Variants in FER observed in about 807,000 individuals in gnomAD.
The protein encoded by FER is tyrosine-protein kinase Fer.
Under a neutral mutation model 111.0 loss-of-function variants are expected in FER, and 63 were observed. That is an observed-to-expected ratio of 0.57 (90% CI 0.46 to 0.70). The LOEUF (loss-of-function observed/expected upper bound fraction) is 0.70. FER is among the 30% of genes least tolerant of loss of function. FER has a pLI of 0.00. For missense variants in FER, 914 were observed against 954.0 expected (o/e 0.96, Z 0.55); for synonymous variants, 327 against 313.9 (o/e 1.04, Z -0.44).
chr5:109,118,320 G>A lies in FER; in HGVS notation c.2048+17801G>A, dbSNP rs781319710. ...TGCTGGATTATATTTATTGATTTTCGTATGTTGAACCAGCCTTGCATCCCA... is the reference window on the plus strand; with the variant it reads ...TGCTGGATTATATTTATTGATTTTCATATGTTGAACCAGCCTTGCATCCCA... On this transcript the variant is annotated intron_variant, in intron 17 of 19. Coordinates refer to ENST00000281092, the MANE Select transcript of FER (RefSeq NM_005246.4). 1.2e-3 allele frequency among the ~76,000 whole-genome samples: 189 copies of A among 152,126 alleles called. 2 individuals are homozygous for A. The highest frequency in any genetic ancestry group is 2.4e-3 in the African/African-American group (101 of 41,490).
chr5:109,190,835 C>T lies in FER; in HGVS notation c.*3260C>T, dbSNP rs1406617396. 4 of 152,118 alleles carry T rather than the reference C, an allele frequency of 2.6e-5. No individual in the cohort carries two copies. The highest frequency in any genetic ancestry group is 9.7e-5 in the African/African-American group (4 of 41,444). The allele number at this position is 152,118 out of a possible 1,614,324, so 9.4% of individuals were successfully genotyped here. A position where few individuals can be genotyped will look rare whatever the true frequency, so the allele number is the denominator to read the frequency against. On this transcript the variant is annotated 3_prime_UTR_variant, in exon 20 of 20. Coordinates refer to ENST00000281092, the MANE Select transcript of FER (RefSeq NM_005246.4). ...CGATATTACTGAAACATCTTATTAG[C>T]AGATAAGTATAGACCAGGAGCCTAA...
intron 5 of FER, among the ~76,000 whole-genome samples, chr5:108,841,272 A>T (rs1295008906): frequency 1.3e-5 from 2 of 152,194 alleles, no homozygotes; most frequent in Non-Finnish European, 1.5e-5. Context: ...AGCATAAAAT[A>T]ACAGGTACTT....
At chr5:108,986,846 G>A (rs1371074093) in intron 13 of FER, among the ~76,000 whole-genome samples, 1 of 152,058 alleles carries the variant, frequency 6.6e-6, no homozygotes, top group Non-Finnish European at 1.5e-5. Flanking sequence ...GGTGACTGTG[G>A]CTTTATAGCA....
chr5:108,783,841 G>A (rs1754366207), intron 2 of FER, among the ~76,000 whole-genome samples: 1 of 152,102 alleles, frequency 6.6e-6, no homozygotes, highest in Admixed American at 6.5e-5. Flanking sequence ...CATGCTCCCT[G>A]CTACCCTGAT....
At chr5:108,761,322 A>G (rs1368900520) in intron 1 of FER, among the ~76,000 whole-genome samples, 1 of 152,168 alleles carries the variant, frequency 6.6e-6, no homozygotes, top group Non-Finnish European at 1.5e-5. Flanking sequence ...TTGAACACTT[A>G]GAGGCCTTTG....
At chr5:108,991,774 A>C (rs987584371) in intron 13 of FER, among the ~76,000 whole-genome samples, 6 of 152,016 alleles carry the variant, frequency 3.9e-5, no homozygotes, top group African/African-American at 1.4e-4. Flanking sequence ...AGCTCTCAAG[A>C]TATAACTTAG....
chr5:108,851,933 G>C (rs1161381443), intron 5 of FER, among the ~76,000 whole-genome samples: 8 of 152,202 alleles, frequency 5.3e-5, no homozygotes, highest in Non-Finnish European at 1.2e-4. Flanking sequence ...AAACAGGATA[G>C]CTACTCCACA....
At chr5:108,764,164 G>A (rs1752056065) in intron 1 of FER, among the ~76,000 whole-genome samples, 1 of 152,038 alleles carries the variant, frequency 6.6e-6, no homozygotes, top group Non-Finnish European at 1.5e-5. Context: ...AGGATAGTTT[G>A]GGAAAAGAAA....
At chr5:109,160,578 A>T (rs138400833) in intron 17 of FER, among the ~76,000 whole-genome samples, 1 of 152,252 alleles carries the variant, frequency 6.6e-6, no homozygotes, top group Non-Finnish European at 1.5e-5. Flanking sequence ...AAATAAATTC[A>T]TCCAATCCTG....
chr5:109,133,247 A>G (rs1031967058), intron 17 of FER, among the ~76,000 whole-genome samples: 1 of 152,148 alleles, frequency 6.6e-6, no homozygotes, highest in Non-Finnish European at 1.5e-5. Flanking sequence ...TTCCTTTTAG[A>G]GGAGAGAAAC....
At chr5:108,931,636 C>A (rs915205307) in intron 10 of FER, among the ~76,000 whole-genome samples, 2 of 152,006 alleles carry the variant, frequency 1.3e-5, no homozygotes, top group East Asian at 3.9e-4. Context: ...TCGAGACCAG[C>A]CTGGCCAACA....
intron 10 of FER, among the ~76,000 whole-genome samples, chr5:108,945,059 G>A (rs192991421): frequency 6.6e-6 from 1 of 152,216 alleles, no homozygotes; most frequent in African/African-American, 2.4e-5. Flanking sequence ...AAAGCATGTG[G>A]CCAAGAATAT....
At chr5:109,081,726 AG>A (rs1777007339) in intron 16 of FER, among the ~76,000 whole-genome samples, 1 of 152,092 alleles carries the variant, frequency 6.6e-6, no homozygotes, top group African/African-American at 2.4e-5. Flanking sequence ...TGTAAGTCTT[AG>A]AACCTAGTTC....
chr5:108,807,908 A>T, intron 3 of FER, among the ~76,000 whole-genome samples: 1 of 150,134 alleles, frequency 6.7e-6, no homozygotes, highest in Non-Finnish European at 1.5e-5. Context: ...GTTTAATTTC[A>T]TGTAATTGTG....
At chr5:108,935,856 G>A (rs577478063) in intron 10 of FER, among the ~76,000 whole-genome samples, 2 of 151,998 alleles carry the variant, frequency 1.3e-5, no homozygotes, top group African/African-American at 4.8e-5. Context: ...AAGTGTTTAC[G>A]TCTGTATTAT....
At chr5:108,943,674 A>G (rs1756571248) in intron 10 of FER, among the ~76,000 whole-genome samples, 2 of 152,086 alleles carry the variant, frequency 1.3e-5, no homozygotes, top group Non-Finnish European at 2.9e-5. Context: ...CTTGATAGGT[A>G]TGATTTTACT....
intron 13 of FER, among the ~76,000 whole-genome samples, chr5:109,013,666 C>G (rs376133282): frequency 6.6e-6 from 1 of 151,722 alleles, no homozygotes; most frequent in African/African-American, 2.4e-5. Flanking sequence ...CTGACTTCCA[C>G]AATGGTTGAA....
intron 13 of FER, among the ~76,000 whole-genome samples, chr5:109,036,318 T>C (rs1770397548): frequency 6.6e-6 from 1 of 152,120 alleles, no homozygotes; most frequent in Admixed American, 6.6e-5. Context: ...ATAAAAACTA[T>C]TGCATTTTAA....
chr5:108,870,662 T>C (rs1325219501), intron 6 of FER, among the ~76,000 whole-genome samples: 1 of 152,158 alleles, frequency 6.6e-6, no homozygotes, highest in East Asian at 1.9e-4. Flanking sequence ...AGAAAAACCA[T>C]GCTTTGTATT....
Sources: gnomAD v4.1 joint callset for allele counts (sites outside exome capture counted in the v4.1 genomes callset) on GRCh38, gnomAD v4.1.1 for gene constraint, MANE v1.5 for transcripts, NCBI Gene and HGNC (gene_info 2026-07-23, HGNC 2026-07-21) for gene names.